PALLD: variants seen among roughly 807,000 people sequenced by gnomAD.
PALLD encodes the protein palladin, cytoskeletal associated protein.
PALLD carries 61 observed loss-of-function variants against 123.5 expected under a neutral mutation model. The ratio of observed to expected loss-of-function variants is 0.49; its 90% CI spans 0.40 to 0.61. The LOEUF (loss-of-function observed/expected upper bound fraction) is 0.61, where lower values mean the gene tolerates loss of function less well. Among genes scored for constraint, PALLD ranks in the 20% least tolerant of loss-of-function variants. PALLD has a pLI of 0.00. For synonymous variants in PALLD, 465 were observed against 496.4 expected, an observed-to-expected ratio of 0.94 and a Z score of 0.84; for missense variants, 1,273 against 1,377.0, an observed-to-expected ratio of 0.92 and a Z score of 1.20.
rs145765735 is a variant in PALLD, at chr4:168,888,522, A to G, written c.1965-2400A>G. 3.0e-3 allele frequency among the ~76,000 whole-genome samples: 454 copies of G among 152,282 alleles called. 3 individuals carry two copies. Among genetic ancestry groups the G allele is most frequent in the African/African-American group, 0.01 (423 of 41,556 alleles). The stretch of plus-strand genomic sequence containing the variant: ...TCCTCTTACAGTTATGGAGTGAACA[A>G]TGCCGCTTTTGACATTGCATTTCTG... On this transcript the variant is annotated intron_variant, in intron 10 of 21. Transcript: ENST00000505667.
intron 10 of PALLD, among the ~76,000 whole-genome samples, chr4:168,834,007 C>T (rs1744738993): frequency 6.7e-6 from 1 of 149,514 alleles, no homozygotes; most frequent in Non-Finnish European, 1.5e-5. Flanking sequence ...CCCCCAATCC[C>T]TAAGCTTTAC....
chr4:168,631,688 C>T (rs1775827278), intron 2 of PALLD: 3 of 985,348 alleles, frequency 3.0e-6, no homozygotes, highest in Non-Finnish European at 2.4e-6. Flanking sequence ...GGAGGCTTCC[C>T]GGGAGCCGGC....
intron 10 of PALLD, among the ~76,000 whole-genome samples, chr4:168,801,914 A>G (rs909524412): frequency 1.3e-5 from 2 of 152,196 alleles, no homozygotes; most frequent in Admixed American, 6.5e-5. Flanking sequence ...CAACTAGATA[A>G]TGCTTGGCTC....
intron 10 of PALLD, among the ~76,000 whole-genome samples, chr4:168,811,772 T>TCACACACACA (rs1290275045): frequency 1.5e-3 from 150 of 98,378 alleles, no homozygotes; most frequent in African/African-American, 4.3e-3. Flanking sequence ...TCTCTCTCTC[T>TCACACACACA]CTCTCACACA....
chr4:168,827,005 C>T (rs1743506779), intron 10 of PALLD, among the ~76,000 whole-genome samples: 1 of 152,162 alleles, frequency 6.6e-6, no homozygotes, highest in South Asian at 2.1e-4. Flanking sequence ...CTCATAAGCT[C>T]AGCCTGTTTT....
intron 10 of PALLD, among the ~76,000 whole-genome samples, chr4:168,824,628 T>A (rs1743164184): frequency 6.6e-6 from 1 of 152,078 alleles, no homozygotes; most frequent in Non-Finnish European, 1.5e-5. Flanking sequence ...ATGGAATTAT[T>A]TTTTACATTT....
intron 2 of PALLD, among the ~76,000 whole-genome samples, chr4:168,548,147 TA>T (rs1168572219): frequency 6.6e-6 from 1 of 151,918 alleles, no homozygotes; most frequent in Non-Finnish European, 1.5e-5. Flanking sequence ...GTGTTCAACA[TA>T]AAAAAATTAA....
At chr4:168,626,672 C>T (rs111912594) in intron 2 of PALLD, among the ~76,000 whole-genome samples, 1,546 of 149,388 alleles carry the variant, frequency 0.01, 11 homozygotes, top group Non-Finnish European at 0.014. Flanking sequence ...GATTATGCCA[C>T]TGCATTCCAG....
intron 10 of PALLD, among the ~76,000 whole-genome samples, chr4:168,759,193 AAAAAAAAAAATATATATATATATATAT>A (rs2150424839): frequency 3.1e-5 from 1 of 32,454 alleles, no homozygotes; most frequent in Non-Finnish European, 6.2e-5. Flanking sequence ...AAAAAAAAAA[AAAAAAAAAAATATATATATATATATAT>A]ATATATATAT....
intron 2 of PALLD, among the ~76,000 whole-genome samples, chr4:168,552,225 T>A (rs1766810717): frequency 6.6e-6 from 1 of 151,952 alleles, no homozygotes; most frequent in South Asian, 2.1e-4. Flanking sequence ...CTGCCCCCAA[T>A]GTGAGAGAGG....
At chr4:168,816,415 T>A (rs56043419) in intron 10 of PALLD, among the ~76,000 whole-genome samples, 2,446 of 136,170 alleles carry the variant, frequency 0.018, 20 homozygotes, top group Middle Eastern at 0.039. Flanking sequence ...ATATATATAT[T>A]TTTTTTAAGT....
At position 168,773,315 on chromosome 4, in the gene PALLD, CA is replaced by C. The variant is rs569821315; in HGVS notation, c.1964+61393del. Among the ~76,000 whole-genome samples the C allele has an allele frequency of 2.5e-3, 386 of 152,320 alleles. 2 individuals carry two copies. The highest frequency in any genetic ancestry group is 8.2e-3 in the Admixed American group (125 of 15,306). On this transcript the variant is annotated intron_variant, in intron 10 of 21. Transcript: ENST00000505667. The stretch of plus-strand genomic sequence containing the variant: ...GTCCAAAATGGAAACACACTCTGAA[CA>C]GATTTCCGGCAGGAGCTTCCACCAG...
intron 3 of PALLD, among the ~76,000 whole-genome samples, chr4:168,669,800 G>GCACACA (rs10637670): frequency 0.05 from 7,465 of 147,976 alleles, 212 homozygotes; most frequent in African/African-American, 0.068. Context: ...CTTACAAAAT[G>GCACACA]CACACACACA....
chr4:168,818,544 C>A (rs531100601), intron 10 of PALLD, among the ~76,000 whole-genome samples: 1 of 152,262 alleles, frequency 6.6e-6, no homozygotes, highest in Non-Finnish European at 1.5e-5. Context: ...CATGATTATA[C>A]CATGTACTCC....
intron 2 of PALLD, among the ~76,000 whole-genome samples, chr4:168,601,104 TA>T (rs10650574): frequency 0.032 from 4,812 of 150,084 alleles, 237 homozygotes; most frequent in African/African-American, 0.11. Context: ...GGCTCTTCTT[TA>T]AAAAAAAAAA....
Position 168,709,223 on chromosome 4 carries a change from GT to G in PALLD, c.1621+77del, listed in dbSNP as rs1209706438. ...TGGATGGCCACAGCAGAAAGGCACC[GT>G]CCTGGCCAGGTGCAGTGGCTCACAC... is the stretch of plus-strand genomic sequence containing the variant. On this transcript the variant is annotated intron_variant, in intron 9 of 21. Transcript: ENST00000505667. 6 of 1,507,374 alleles carry G rather than the reference GT, an allele frequency of 4.0e-6. No individual in the cohort carries two copies. The Admixed American group carries it at 1.0e-4, about 26-fold the overall frequency. The allele number at this position is 1,507,374 out of a possible 1,614,324, so 93.4% of individuals were successfully genotyped here.
intron 2 of PALLD, among the ~76,000 whole-genome samples, chr4:168,541,233 G>A (rs1051182203): frequency 4.6e-5 from 7 of 152,266 alleles, no homozygotes; most frequent in Admixed American, 1.3e-4. Flanking sequence ...TTCTTTATCT[G>A]TTTGTGTTAT....
intron 5 of PALLD, among the ~76,000 whole-genome samples, chr4:168,684,804 C>T (rs754896146): frequency 3.9e-5 from 6 of 152,286 alleles, no homozygotes; most frequent in South Asian, 4.1e-4. Context: ...TTTAGACACA[C>T]GATACCAGAT....
At position 168,711,863 on chromosome 4, in the gene PALLD, C is replaced by T. The variant is rs1479390388; in HGVS notation, c.1904C>T (p.Thr635Ile). ...GKANSNKSLP[T>I]PAVLLSPTKE... ...GCTAACAGTAATAAATCTCTTCCAA[C>T]ACCAGCTGTCCTGCTTTCACCCACT... The change falls in exon 10 of 22, where the codon ACA becomes ATA. Residue 635 changes from threonine (T) to isoleucine (I), a missense_variant. Thr to Ile is a moderately conservative substitution (Grantham distance 89, BLOSUM62 -1). Coordinates refer to ENST00000505667, the MANE Select transcript of PALLD (RefSeq NM_001166108.2). 2 of 1,614,052 alleles carry T rather than the reference C, an allele frequency of 1.2e-6. No individual in the cohort carries two copies. Among genetic ancestry groups the T allele is most frequent in the African/African-American group, 1.3e-5 (1 of 74,920 alleles).
Sources: gnomAD v4.1 joint callset for allele counts (sites outside exome capture counted in the v4.1 genomes callset) on GRCh38, gnomAD v4.1.1 for gene constraint, MANE v1.5 for transcripts, NCBI Gene and HGNC (gene_info 2026-07-23, HGNC 2026-07-21) for gene names.